The following ZNF195 variants were observed in gnomAD, a reference collection of about 807,000 sequenced individuals.
ZNF195 encodes hypoxia-regulated factor-1.
In ZNF195, 11 loss-of-function variants were observed where a neutral mutation model predicts 19.5. That is an observed-to-expected ratio of 0.57 (90% CI 0.36 to 0.94). The LOEUF (loss-of-function observed/expected upper bound fraction) is 0.94, where lower values mean the gene tolerates loss of function less well. ZNF195 is among the 40% of genes least tolerant of loss of function. ZNF195 has a pLI of 0.01. For synonymous variants in ZNF195, 214 were observed against 248.1 expected (o/e 0.86, Z 1.29); for missense variants, 582 against 709.0 (o/e 0.82, Z 2.03).
chr11:3,377,306 T>G (rs1191795199), intron 1 of ZNF195, among the ~76,000 whole-genome samples: 4 of 152,202 alleles, frequency 2.6e-5, no homozygotes, highest in Non-Finnish European at 4.4e-5. Flanking sequence ...TTCTATTCCT[T>G]GGGAGATTCT....
rs756152591 is a variant in ZNF195, at chr11:3,379,062, G to C, written c.-22C>G. 1 of 1,496,932 alleles carries C rather than the reference G, an allele frequency of 6.7e-7. No individual in the cohort carries two copies. Among genetic ancestry groups the C allele is most frequent in the South Asian group, 1.3e-5 (1 of 76,054 alleles). 92.7% of individuals were successfully genotyped at this position (1,496,932 alleles called of 1,614,324 possible). ...CCATCTCCTGGCCTCCAGAGAGCCT[G>C]GCGTTTCACTTCTGGATCTCCCGGT... On this transcript the variant is annotated 5_prime_UTR_variant, in exon 1 of 6. Coordinates refer to ENST00000399602, the MANE Select transcript of ZNF195 (RefSeq NM_001130520.3).
At chr11:3,363,075 C>T (rs538357584) in intron 3 of ZNF195, among the ~76,000 whole-genome samples, 2 of 152,228 alleles carry the variant, frequency 1.3e-5, no homozygotes, top group African/African-American at 2.4e-5. Flanking sequence ...CTATGACAAG[C>T]GTGGGTGCAT....
chr11:3,358,888 A>T lies in ZNF195; in HGVS notation c.*230T>A. 2.2e-6 allele frequency: 1 copy of T among 461,784 alleles called. No individual in the cohort carries two copies. Among genetic ancestry groups the T allele is most frequent in the Non-Finnish European group, 3.5e-6 (1 of 286,996 alleles). The allele number at this position is 461,784 out of a possible 1,614,324, so 28.6% of individuals were successfully genotyped here. ...TTTATGAGATTTGTTGGGTTTCTCT[A>T]CAAATTTTCTGAAAGTTTAAGCAAC... On this transcript the variant is annotated 3_prime_UTR_variant, in exon 6 of 6. Transcript: ENST00000399602.
At chr11:3,377,890 G>A (rs1324052738) in intron 1 of ZNF195, 5 of 987,902 alleles carry the variant, frequency 5.1e-6, no homozygotes, top group African/African-American at 1.7e-5. Context: ...ATTCTGGTAA[G>A]GTGTCTGTGC....
chr11:3,361,261 C>T (rs1848619577), intron 4 of ZNF195, among the ~76,000 whole-genome samples: 1 of 152,110 alleles, frequency 6.6e-6, no homozygotes, highest in African/African-American at 2.4e-5. Context: ...AGGAGAAAGG[C>T]ACATTATAAA....
intron 1 of ZNF195, chr11:3,373,470 T>A (rs1449392205): frequency 2.3e-6 from 2 of 885,076 alleles, no homozygotes; most frequent in Non-Finnish European, 3.7e-6. Context: ...GAAACAAACT[T>A]ACTATGGAGA....
Position 3,359,991 on chromosome 11 carries a change from G to A in ZNF195, c.1017C>T (p.Cys339=). Residue 339 remains cysteine (C), a synonymous_variant, in exon 6 of 6, where the codon TGC becomes TGT. Coordinates refer to ENST00000399602, the MANE Select transcript of ZNF195 (RefSeq NM_001130520.3). This position sits in a 1 kb window ranked among gnomAD's most constrained non-coding sequence, Gnocchi z 5.5. ...CATGCTCATGTTCAGTAAGGTGGGAGCACTGGTTAAATACTTTGCCAAATT... is the reference window on the plus strand; with the variant it reads ...CATGCTCATGTTCAGTAAGGTGGGAACACTGGTTAAATACTTTGCCAAATT... ...CEEFGKVFNQ[C]SHLTEHEHGT... 6.2e-7 allele frequency: 1 copy of A among 1,614,026 alleles called. No homozygotes were observed. Among genetic ancestry groups the A allele is most frequent in the Non-Finnish European group, 8.5e-7 (1 of 1,180,020 alleles).
intron 2 of ZNF195, 53 bp downstream of exon 2, chr11:3,371,524 C>T: frequency 8.1e-6 from 13 of 1,611,064 alleles, no homozygotes; most frequent in South Asian, 2.2e-5. Context: ...CGCAGAGGAA[C>T]GAAAGGAACT....
Position 3,360,058 on chromosome 11 carries a change from T to A in ZNF195, c.950A>T (p.Lys317Ile), listed in dbSNP as rs373208630. The A allele has an allele frequency of 1.1e-5, 17 of 1,614,144 alleles. No homozygotes were observed. Among genetic ancestry groups the A allele is most frequent in the Non-Finnish European group, 1.4e-5 (17 of 1,180,024 alleles). Residue 317 changes from lysine (K) to isoleucine (I), a missense_variant, in exon 6 of 6, where the codon AAA (lysine) becomes ATA (isoleucine). Physicochemically the swap from Lys to Ile is moderately radical, Grantham distance 102 (BLOSUM62 -3). Around this residue, in one of 3 missense-constraint regions of ZNF195, gnomAD observed 407 missense variants for 530.5 expected, o/e 0.77. Transcript: ENST00000399602. ...TTCCCCTCCGGCATAAATTCTATTTTTAGTAAGGACTGAGCAAGTTTTAAT... is the reference window on the plus strand; with the variant it reads ...TTCCCCTCCGGCATAAATTCTATTTATAGTAAGGACTGAGCAAGTTTTAAT... Reference protein sequence around the residue: ...NVIKTCSVLTKNRIYAGGEHY... With the variant: ...NVIKTCSVLTINRIYAGGEHY...
chr11:3,377,912 A>G (rs1849542980), intron 1 of ZNF195: 2 of 986,760 alleles, frequency 2.0e-6, no homozygotes, highest in Non-Finnish European at 2.4e-6. Context: ...TAGGGAAAAT[A>G]AAAAGGAGGA....
intron 3 of ZNF195, among the ~76,000 whole-genome samples, chr11:3,368,264 T>C (rs2133701814): frequency 6.6e-6 from 1 of 152,312 alleles, no homozygotes; most frequent in East Asian, 1.9e-4. Context: ...CCCTGGGTTA[T>C]ATATTCCCCG....
chr11:3,378,358 G>A (rs1849573188), intron 1 of ZNF195, among the ~76,000 whole-genome samples: 1 of 105,656 alleles, frequency 9.5e-6, no homozygotes, highest in African/African-American at 3.3e-5. Flanking sequence ...GGTGGCTCTA[G>A]TGCCCTGGGT....
At position 3,360,011 on chromosome 11, in the gene ZNF195, C is replaced by T. The variant is rs760511490; in HGVS notation, c.997G>A (p.Gly333Ser). Residue 333 changes from glycine to serine, a missense_variant, in exon 6 of 6, where the codon GGC becomes AGC. Transcript: ENST00000399602. ...GGEHYRCEEF[G>S]KVFNQCSHLT... ...TGGGAGCACTGGTTAAATACTTTGC[C>T]AAATTCTTCACATCTGTAATGTTCC... The T allele has an allele frequency of 1.2e-6, 2 of 1,613,974 alleles. No individual in the cohort carries two copies. The highest frequency in any genetic ancestry group is 3.3e-5 in the Admixed American group (2 of 60,020).
intron 3 of ZNF195, 141 bp downstream of exon 3, chr11:3,370,834 T>G: frequency 4.1e-6 from 3 of 730,768 alleles, no homozygotes; most frequent in Non-Finnish European, 4.7e-6. Context: ...GCTCCTAGGG[T>G]ACAGCAAGAG....
At position 3,359,351 on chromosome 11, in the gene ZNF195, C is replaced by G; in HGVS notation, c.1657G>C (p.Glu553Gln). 3 of 1,613,992 alleles carry G rather than the reference C, an allele frequency of 1.9e-6. No homozygotes were observed. Among genetic ancestry groups the G allele is most frequent in the Non-Finnish European group, 2.5e-6 (3 of 1,179,968 alleles). The change falls in exon 6 of 6, where the codon GAA becomes CAA. Residue 553 changes from glutamate to glutamine, a missense_variant. By Grantham distance (29) the Glu-to-Gln change is conservative. Transcript: ENST00000399602. The surrounding 1 kb of genome is among the most constrained non-coding windows in gnomAD (Gnocchi z 5.5). ...IHTGEKPYKC[E>Q]ECGRVFMWFS... ...CACATGAAGACTCTGCCACATTCTT[C>G]ACACTTGTAGGGTTTCTCTCCAGTA...
intron 3 of ZNF195, chr11:3,368,943 A>T (rs1989786): frequency 0.75 from 330,693 of 439,252 alleles, 125,673 homozygotes; most frequent in Middle Eastern, 0.83. Flanking sequence ...AATCAAGCCT[A>T]AAATGTAAAA....
chr11:3,378,936 G>GAGCCCGGAACCCACCCGGGC, intron 1 of ZNF195, 102 bp downstream of exon 1: 1 of 1,267,992 alleles, frequency 7.9e-7, no homozygotes. Context: ...CGGGTCCGCG[G>GAGCCCGGAACCCACCCGGGC]AGCCCGGAAC....
intron 2 of ZNF195, 136 bp downstream of exon 2, chr11:3,371,431 TACATCAACTA>T: frequency 1.0e-6 from 1 of 963,316 alleles, no homozygotes; most frequent in Non-Finnish European, 1.5e-6. Flanking sequence ...TTTTTTTTTT[TACATCAACTA>T]TTCCCCATGT....
chr11:3,364,765 T>G (rs560661010), intron 3 of ZNF195, among the ~76,000 whole-genome samples: 4 of 152,238 alleles, frequency 2.6e-5, no homozygotes, highest in African/African-American at 9.6e-5. Context: ...GGATAACATA[T>G]CTACAAGAAA....
Sources: allele counts gnomAD v4.1 joint callset (sites outside exome capture counted in the v4.1 genomes callset), GRCh38; gene constraint gnomAD v4.1.1; regional missense constraint gnomAD v4.1.1; non-coding constraint Gnocchi (gnomAD v3.1); transcripts MANE v1.5; gene names NCBI Gene and HGNC (gene_info 2026-07-23, HGNC 2026-07-21).